BRAF: variants seen among roughly 807,000 people sequenced by gnomAD.
BRAF encodes B-Raf proto-oncogene, serine/threonine kinase, also known as serine/threonine-protein kinase B-raf.
In BRAF, 16 loss-of-function variants were observed where a neutral mutation model predicts 104.6. The ratio of observed to expected loss-of-function variants is 0.15; its 90% CI spans 0.10 to 0.23. BRAF has a LOEUF of 0.23. BRAF is among the 10% of genes least tolerant of loss of function. The pLI, the probability that BRAF is intolerant of heterozygous loss-of-function variation, is 1.00. For missense variants in BRAF, 541 were observed against 937.3 expected (o/e 0.58, Z 5.52); for synonymous variants, 310 against 341.6 (o/e 0.91, Z 1.02).
chr7:140,787,817 T>C (rs1801547516), intron 8 of BRAF, among the ~76,000 whole-genome samples: 1 of 152,244 alleles, frequency 6.6e-6, no homozygotes, highest in African/African-American at 2.4e-5. Context: ...CCTAATCAAA[T>C]GTTGATGTCC....
Position 140,734,454 on chromosome 7 carries a change from T to C in BRAF, c.2401+163A>G, listed in dbSNP as rs1585929994. 2 of 1,558,394 alleles carry C rather than the reference T, an allele frequency of 1.3e-6. No individual in the cohort carries two copies. Among genetic ancestry groups the C allele is most frequent in the East Asian group, 2.3e-5 (1 of 44,352 alleles). ...TAAATTTTAGTTTGGGGAAAAATTA[T>C]ATCTAGTCTTTAACCACACAAGTGT... On this transcript the variant is annotated intron_variant, in intron 19 of 19. Transcript: ENST00000644969.
chr7:140,888,733 G>C (rs1813867790), intron 1 of BRAF, among the ~76,000 whole-genome samples: 1 of 152,002 alleles, frequency 6.6e-6, no homozygotes, highest in African/African-American at 2.4e-5. Flanking sequence ...TACTCAGGAG[G>C]CTGTGGCAAG....
intron 19 of BRAF, among the ~76,000 whole-genome samples, chr7:140,727,787 A>AT (rs1418091450): frequency 6.6e-6 from 1 of 151,766 alleles, no homozygotes; most frequent in South Asian, 2.1e-4. Context: ...CGCCCGGCTA[A>AT]TTTTTTTGTA....
chr7:140,733,546 A>AAAT (rs1796146760), intron 19 of BRAF: 1 of 152,214 alleles, frequency 6.6e-6, no homozygotes, highest in South Asian at 2.1e-4. Context: ...GAACCCTAAC[A>AAAT]AATACTTCAT....
intron 1 of BRAF, among the ~76,000 whole-genome samples, chr7:140,888,886 C>T (rs779080300): frequency 6.6e-6 from 1 of 151,982 alleles, no homozygotes; most frequent in African/African-American, 2.4e-5. Context: ...AGCAATTTTG[C>T]CCCTCAAGAC....
rs1174067403 is a variant in BRAF at position 140,908,199 on chromosome 7, C to T, written c.138+16367G>A. 2.0e-5 allele frequency among the ~76,000 whole-genome samples: 3 copies of T among 152,142 alleles called. No individual in the cohort carries two copies. The East Asian group carries it at 5.8e-4, about 29-fold the overall frequency. ...TCTTATTCACAGTGCCAATTGGATG[C>T]ATGCTTGGTTATTATTTTTCCTCTG... On this transcript the variant is annotated intron_variant, in intron 1 of 19. Coordinates refer to ENST00000644969, the MANE Select transcript of BRAF (RefSeq NM_001374258.1).
intron 18 of BRAF, 100 bp downstream of exon 17, chr7:140,739,712 C>T (rs2130897436): frequency 7.2e-7 from 1 of 1,398,440 alleles, no homozygotes; most frequent in Non-Finnish European, 1.0e-6. Flanking sequence ...CACATAGAAT[C>T]CAAACTCATG....
At chr7:140,739,707 A>G (rs1562934147) in intron 18 of BRAF, 105 bp downstream of exon 17, 9 of 1,348,798 alleles carry the variant, frequency 6.7e-6, no homozygotes, top group African/African-American at 1.4e-5. Context: ...GTCTGCACAT[A>G]GAATCCAAAC....
intron 3 of BRAF, among the ~76,000 whole-genome samples, chr7:140,821,136 C>T (rs1805432060): frequency 6.6e-6 from 1 of 151,874 alleles, no homozygotes; most frequent in Non-Finnish European, 1.5e-5. Context: ...GGGCTACAAA[C>T]TCATGCTAGC....
intron 1 of BRAF, among the ~76,000 whole-genome samples, chr7:140,906,105 A>AG (rs1196662450): frequency 6.6e-6 from 1 of 150,382 alleles, no homozygotes; most frequent in East Asian, 1.9e-4. Flanking sequence ...AAAAAAAAAA[A>AG]AAAGAAATTA....
chr7:140,742,950 C>T (rs1312418187), intron 17 of BRAF, among the ~76,000 whole-genome samples: 3 of 152,000 alleles, frequency 2.0e-5, no homozygotes, highest in Non-Finnish European at 2.9e-5. Context: ...GACATTTATG[C>T]AGCCAAAAAA....
chr7:140,724,862 A>T lies in BRAF; in HGVS notation c.*1632T>A, dbSNP rs1438432817. The T allele has an allele frequency of 2.9e-6, 3 of 1,038,806 alleles. No individual in the cohort carries two copies. Among genetic ancestry groups the T allele is most frequent in the Non-Finnish European group, 3.5e-6 (3 of 862,610 alleles). 64.3% of individuals were successfully genotyped at this position (1,038,806 alleles called of 1,614,324 possible). ...GAGGTTTTCCATTAATTTGCCATTA[A>T]TACATCCGCTTTCTTTGCTATGACT... On this transcript the variant is annotated 3_prime_UTR_variant, in exon 20 of 20. Coordinates refer to ENST00000644969, the MANE Select transcript of BRAF (RefSeq NM_001374258.1).
At chr7:140,887,687 C>T (rs1430642935) in intron 1 of BRAF, among the ~76,000 whole-genome samples, 1 of 152,058 alleles carries the variant, frequency 6.6e-6, no homozygotes, top group African/African-American at 2.4e-5. Flanking sequence ...TTAATGTGTT[C>T]ATCTAGAAAC....
intron 1 of BRAF, among the ~76,000 whole-genome samples, chr7:140,865,603 C>A (rs1218217230): frequency 6.6e-6 from 1 of 152,064 alleles, no homozygotes; most frequent in Non-Finnish European, 1.5e-5. Context: ...GTATCTTGAC[C>A]CTGAATTATG....
chr7:140,884,521 G>GC (rs1813335863), intron 1 of BRAF, among the ~76,000 whole-genome samples: 1 of 149,122 alleles, frequency 6.7e-6, no homozygotes, highest in Non-Finnish European at 1.5e-5. Flanking sequence ...TCACTCTGTA[G>GC]CCCAGGCAGG....
intron 1 of BRAF, among the ~76,000 whole-genome samples, chr7:140,873,794 G>A (rs1315485915): frequency 2.0e-5 from 3 of 152,172 alleles, no homozygotes; most frequent in Non-Finnish European, 4.4e-5. Context: ...GAAAGCAAAA[G>A]CCAGGTCAGG....
intron 14 of BRAF, among the ~76,000 whole-genome samples, chr7:140,763,887 A>G (rs1490199878): frequency 6.6e-6 from 1 of 152,192 alleles, no homozygotes; most frequent in Non-Finnish European, 1.5e-5. Flanking sequence ...AACTGGTACC[A>G]TTCCTTCTGA....
intron 1 of BRAF, among the ~76,000 whole-genome samples, chr7:140,923,720 T>G (rs1818520430): frequency 6.6e-6 from 1 of 152,024 alleles, no homozygotes; most frequent in Non-Finnish European, 1.5e-5. Context: ...GGAGGATTTG[T>G]GAAGATAACA....
intron 3 of BRAF, among the ~76,000 whole-genome samples, chr7:140,820,586 T>C (rs1294147898): frequency 6.6e-6 from 1 of 152,164 alleles, no homozygotes; most frequent in Non-Finnish European, 1.5e-5. Context: ...CTTTTTCTTG[T>C]CCCAGGGAAT....
Sources: gnomAD v4.1 joint callset for allele counts (sites outside exome capture counted in the v4.1 genomes callset) on GRCh38, gnomAD v4.1.1 for gene constraint, MANE v1.5 for transcripts, NCBI Gene and HGNC (gene_info 2026-07-23, HGNC 2026-07-21) for gene names.